Variants in ZNF780B observed in about 807,000 individuals in gnomAD.
ZNF780B encodes zinc finger protein 779.
In ZNF780B, 52 loss-of-function variants were observed where a neutral mutation model predicts 74.1. The ratio of observed to expected loss-of-function variants is 0.70; its 90% CI spans 0.56 to 0.88. The LOEUF is 0.88. Among genes scored for constraint, ZNF780B ranks in the 40% least tolerant of loss-of-function variants. ZNF780B has a pLI of 0.00. For synonymous variants in ZNF780B, 315 were observed against 324.3 expected (o/e 0.97, Z 0.31); for missense variants, 953 against 1,007.6 (o/e 0.95, Z 0.73).
intron 4 of ZNF780B, 24 bp from the exon 5 acceptor site, chr19:40,036,650 C>T: frequency 7.0e-7 from 1 of 1,425,488 alleles, no homozygotes. Flanking sequence ...AGAAGGCAAA[C>T]CTATTTTATT....
intron 4 of ZNF780B, among the ~76,000 whole-genome samples, chr19:40,039,371 C>G: frequency 6.6e-6 from 1 of 152,096 alleles, no homozygotes; most frequent in South Asian, 2.1e-4. Flanking sequence ...GTTCTTTTGG[C>G]TTAGGATTGA....
Position 40,031,974 on chromosome 19 carries a change from T to A in ZNF780B, c.*2383A>T, listed in dbSNP as rs1011402246. 2.3e-6 allele frequency: 1 copy of A among 437,346 alleles called. No homozygotes were observed. The highest frequency in any genetic ancestry group is 4.5e-6 in the Non-Finnish European group (1 of 221,106). The allele number at this position is 437,346 out of a possible 1,614,324, so 27.1% of individuals were successfully genotyped here. A position where few individuals can be genotyped will look rare whatever the true frequency, so the allele number is the denominator to read the frequency against. On this transcript the variant is annotated 3_prime_UTR_variant, in exon 5 of 5. Coordinates refer to ENST00000434248, the MANE Select transcript of ZNF780B (RefSeq NM_001005851.3). The stretch of plus-strand genomic sequence containing the variant: ...ACTTAAATGTTTTCTGACAGTACAA[T>A]ATGACATAGAAATAACCTACAAAGT...
intron 4 of ZNF780B, among the ~76,000 whole-genome samples, chr19:40,046,280 C>T (rs1212609119): frequency 6.6e-6 from 1 of 152,164 alleles, no homozygotes; most frequent in African/African-American, 2.4e-5. Context: ...ATGATAAACC[C>T]TCCTCTGGTG....
intron 4 of ZNF780B, among the ~76,000 whole-genome samples, chr19:40,038,160 T>C (rs185688006): frequency 0.011 from 1,739 of 151,828 alleles, 26 homozygotes; most frequent in African/African-American, 0.04. Context: ...TCAGAACATG[T>C]GGTGTTTGGT....
chr19:40,042,581 C>G (rs1972698765), intron 4 of ZNF780B, among the ~76,000 whole-genome samples: 1 of 152,204 alleles, frequency 6.6e-6, no homozygotes, highest in Non-Finnish European at 1.5e-5. Context: ...TCCCATATTT[C>G]TTGGAGGCTT....
chr19:40,038,034 G>A (rs1972436071), intron 4 of ZNF780B, among the ~76,000 whole-genome samples: 1 of 151,736 alleles, frequency 6.6e-6, no homozygotes. Context: ...TTTAGCATTA[G>A]GTATATCTCC....
At position 40,035,087 on chromosome 19, in the gene ZNF780B, C is replaced by T. The variant is rs758304098; in HGVS notation, c.1772G>A (p.Gly591Glu). The T allele has an allele frequency of 1.2e-6, 2 of 1,613,920 alleles. No individual in the cohort carries two copies. The highest frequency in any genetic ancestry group is 1.7e-6 in the Non-Finnish European group (2 of 1,179,976). The change falls in exon 5 of 5, where the codon GGG becomes GAG. Residue 591 changes from glycine to glutamate, a missense_variant. By Grantham distance (98) the Gly-to-Glu change is moderately conservative. Coordinates refer to ENST00000434248, the MANE Select transcript of ZNF780B (RefSeq NM_001005851.3). ...GTGCATATGAAGTCGAAAGGCTTTC[C>T]CACATTCCTTACATTCAAAGGGTTT... ...GKKPFECKECGKAFRLHMHLI... is the reference protein window; with the variant it reads ...GKKPFECKECEKAFRLHMHLI...
chr19:40,035,568 T>C lies in ZNF780B; in HGVS notation c.1291A>G (p.Asn431Asp). 2 of 1,611,430 alleles carry C rather than the reference T, an allele frequency of 1.2e-6. No homozygotes were observed. The highest frequency in any genetic ancestry group is 2.2e-5 in the East Asian group (1 of 44,664). ...TGAATTTTTTGATGCTGAATAAGAT[T>C]TGCACCACGATTAAAGCCTTTCCCA... Reference protein sequence around the residue: ...ECGKGFNRGANLIQHQKIHSN... With the variant: ...ECGKGFNRGADLIQHQKIHSN... Residue 431 changes from asparagine (N) to aspartate (D), a missense_variant, in exon 5 of 5, where the codon AAT becomes GAT. Asn to Asp is a conservative substitution (Grantham distance 23, BLOSUM62 1). Transcript: ENST00000434248.
chr19:40,029,998 A>T lies in ZNF780B; in HGVS notation c.*4359T>A, dbSNP rs566143292. 1 of 152,306 alleles carries T rather than the reference A, an allele frequency of 6.6e-6. No individual in the cohort carries two copies. Among genetic ancestry groups the T allele is most frequent in the East Asian group, 1.9e-4 (1 of 5,184 alleles). The allele number at this position is 152,306 out of a possible 1,614,324, so 9.4% of individuals were successfully genotyped here. A position where few individuals can be genotyped will look rare whatever the true frequency, so the allele number is the denominator to read the frequency against. ...TCATAAATTGAAAACATCATACACC[A>T]TATGTGCATTTATGGTCTACAATAT... is the stretch of plus-strand genomic sequence containing the variant. On this transcript the variant is annotated 3_prime_UTR_variant, in exon 5 of 5. Transcript: ENST00000434248.
chr19:40,052,455 T>C (rs1323301134), intron 1 of ZNF780B, among the ~76,000 whole-genome samples: 1 of 152,166 alleles, frequency 6.6e-6, no homozygotes, highest in African/African-American at 2.4e-5. Flanking sequence ...AAAACCCACA[T>C]TGATAAATTT....
chr19:40,053,955 C>G (rs1362083785), intron 1 of ZNF780B, among the ~76,000 whole-genome samples: 1 of 152,240 alleles, frequency 6.6e-6, no homozygotes, highest in Non-Finnish European at 1.5e-5. Flanking sequence ...GAGTTCGAGA[C>G]CACCCTGGCC....
In ZNF780B at chr19:40,034,285, G is replaced by A; in HGVS notation, c.*72C>T. The A allele has an allele frequency of 7.7e-7, 1 of 1,296,770 alleles. No individual in the cohort carries two copies. Among genetic ancestry groups the A allele is most frequent in the Non-Finnish European group, 1.1e-6 (1 of 932,138 alleles). 80.3% of individuals were successfully genotyped at this position (1,296,770 alleles called of 1,614,324 possible). A position where few individuals can be genotyped will look rare whatever the true frequency, so the allele number is the denominator to read the frequency against. Reference sequence around the variant, plus strand: ...CATTCATAAGGGTTCTCACGAATATGAAATCTATAATGTCCATGAAATTGG... The same window carrying A: ...CATTCATAAGGGTTCTCACGAATATAAAATCTATAATGTCCATGAAATTGG... On this transcript the variant is annotated 3_prime_UTR_variant, in exon 5 of 5. Transcript: ENST00000434248.
chr19:40,039,355 G>A (rs1278294053), intron 4 of ZNF780B, among the ~76,000 whole-genome samples: 29 of 152,166 alleles, frequency 1.9e-4, no homozygotes, highest in African/African-American at 3.4e-4. Context: ...TGATGCCTCC[G>A]GCTTTGTTCT....
chr19:40,036,555 G>T lies in ZNF780B; in HGVS notation c.304C>A (p.His102Asn), dbSNP rs1300307095. The T allele has an allele frequency of 6.3e-7, 1 of 1,580,464 alleles. No individual in the cohort carries two copies. The change falls in exon 5 of 5, where the codon CAT becomes AAT. Residue 102 changes from histidine (H) to asparagine (N), a missense_variant. His to Asn is a moderately conservative substitution (Grantham distance 68). Coordinates refer to ENST00000434248, the MANE Select transcript of ZNF780B (RefSeq NM_001005851.3). ...NDIFEINLPK[H>N]VIKQISKTLG... ...GTTTTACTTATTTGCTTTATAACAT[G>T]TTTGGGTAAATTTATTTCAAAAATA...
intron 4 of ZNF780B, among the ~76,000 whole-genome samples, chr19:40,040,745 T>C (rs564570525): frequency 6.6e-6 from 1 of 152,332 alleles, no homozygotes; most frequent in Non-Finnish European, 1.5e-5. Flanking sequence ...TTCTGTGGGA[T>C]TGGTGGTGAT....
At chr19:40,038,133 C>T (rs1292751325) in intron 4 of ZNF780B, among the ~76,000 whole-genome samples, 1 of 151,892 alleles carries the variant, frequency 6.6e-6, no homozygotes, top group Non-Finnish European at 1.5e-5. Context: ...TCTCATTGTT[C>T]AATTCCCACC....
In ZNF780B at chr19:40,034,816, A is replaced by G; in HGVS notation, c.2043T>C (p.Val681=). 6.2e-7 allele frequency: 1 copy of G among 1,612,892 alleles called. No individual in the cohort carries two copies. The highest frequency in any genetic ancestry group is 2.2e-5 in the East Asian group (1 of 44,772). Residue 681 remains valine, a synonymous_variant, in exon 5 of 5, where the codon GTT becomes GTC. Transcript: ENST00000434248. ...TTTTCTGATGCTGAATAAGGTTTGA[A>G]ACACGACTAAAGCCTTTCCCACACT... ...CKECGKGFSR[V]SNLIQHQKTH...
intron 4 of ZNF780B, among the ~76,000 whole-genome samples, chr19:40,041,918 TA>T (rs1972662996): frequency 6.6e-6 from 1 of 152,204 alleles, no homozygotes; most frequent in Non-Finnish European, 1.5e-5. Context: ...TTAAAGTTAA[TA>T]TTGTTATGTG....
At chr19:40,042,967 G>A (rs572385338) in intron 4 of ZNF780B, among the ~76,000 whole-genome samples, 2 of 152,320 alleles carry the variant, frequency 1.3e-5, no homozygotes, top group East Asian at 3.9e-4. Context: ...CTTTGGAGGA[G>A]GAGAGGCACT....
Sources: gnomAD v4.1 joint callset for allele counts (sites outside exome capture counted in the v4.1 genomes callset) on GRCh38, gnomAD v4.1.1 for gene constraint, MANE v1.5 for transcripts, NCBI Gene and HGNC (gene_info 2026-07-23, HGNC 2026-07-21) for gene names.